SEC63: variants seen among roughly 807,000 people sequenced by gnomAD.
SEC63 encodes the protein SEC63 protein translocation regulator, also known as translocation protein SEC63 homolog.
Under a neutral mutation model 116.2 loss-of-function variants are expected in SEC63, and 56 were observed. The observed-to-expected ratio is 0.48, with a 90% CI of 0.39 to 0.60. The LOEUF is 0.60. SEC63 is among the 20% of genes least tolerant of loss of function. The pLI is 0.00. For synonymous variants in SEC63, 273 were observed against 294.6 expected, an observed-to-expected ratio of 0.93 and a Z score of 0.75; for missense variants, 668 against 900.0, an observed-to-expected ratio of 0.74 and a Z score of 3.30.
Position 107,894,011 on chromosome 6 carries a change from T to C in SEC63, c.1441-114A>G, listed in dbSNP as rs78128983. On this transcript the variant is annotated intron_variant, in intron 14 of 20. Transcript: ENST00000369002. ...ATTAAGTATTTTTAACTGGCTACAA[T>C]TGACAAAGAAGGAGACGTTTAGCAA... is the stretch of plus-strand genomic sequence containing the variant. 16,030 of 1,135,230 alleles carry C rather than the reference T, an allele frequency of 0.014. 168 individuals are homozygous for C. The highest frequency in any genetic ancestry group is 0.017 in the Non-Finnish European group (13,037 of 770,254). The allele number at this position is 1,135,230 out of a possible 1,614,324, so 70.3% of individuals were successfully genotyped here.
chr6:107,902,660 A>G (rs1317249207), intron 12 of SEC63, among the ~76,000 whole-genome samples, 184 bp downstream of exon 12: 4 of 152,226 alleles, frequency 2.6e-5, no homozygotes, highest in Admixed American at 2.6e-4. Flanking sequence ...GTAAAATACT[A>G]TAAAACACAG....
chr6:107,921,015 T>A (rs1047115618), intron 4 of SEC63, among the ~76,000 whole-genome samples: 1 of 152,198 alleles, frequency 6.6e-6, no homozygotes, highest in Non-Finnish European at 1.5e-5. Flanking sequence ...AAAGGAGACC[T>A]TAAAAATCCA....
At chr6:107,876,075 T>C (rs1786258292) in intron 19 of SEC63, among the ~76,000 whole-genome samples, 1 of 151,926 alleles carries the variant, frequency 6.6e-6, no homozygotes. Context: ...AAAAAAAACA[T>C]GAAAAACAAC....
intron 1 of SEC63, among the ~76,000 whole-genome samples, chr6:107,955,639 A>C (rs1264832407): frequency 2.2e-4 from 34 of 152,032 alleles, no homozygotes; most frequent in Non-Finnish European, 1.5e-5. Flanking sequence ...TAGTCCCAGC[A>C]CTTTGGGAGC....
At chr6:107,891,947 C>T (rs1221142808) in intron 16 of SEC63, among the ~76,000 whole-genome samples, 2 of 152,204 alleles carry the variant, frequency 1.3e-5, no homozygotes, top group East Asian at 1.9e-4. Context: ...CCCAGAGGGG[C>T]ACTCGCCAGA....
At chr6:107,930,397 G>A (rs149032397) in intron 1 of SEC63, among the ~76,000 whole-genome samples, 5,564 of 151,676 alleles carry the variant, frequency 0.037, 324 homozygotes, top group African/African-American at 0.13. Context: ...GATCACCTGA[G>A]GTCAGGAGTT....
At chr6:107,881,393 C>A in intron 17 of SEC63, 143 bp from the exon 18 acceptor site, 1 of 643,104 alleles carries the variant, frequency 1.6e-6, no homozygotes, top group Non-Finnish European at 2.8e-6. Flanking sequence ...CATCTCCCTG[C>A]TCATCCTTAC....
intron 3 of SEC63, among the ~76,000 whole-genome samples, chr6:107,923,182 C>T (rs763221237): frequency 6.6e-6 from 1 of 152,122 alleles, no homozygotes; most frequent in East Asian, 1.9e-4. Flanking sequence ...CTTGCTCTGT[C>T]GCCCAGGCTG....
intron 13 of SEC63, among the ~76,000 whole-genome samples, chr6:107,899,841 T>C (rs1786957123): frequency 1.3e-5 from 2 of 152,252 alleles, no homozygotes; most frequent in South Asian, 4.1e-4. Context: ...CAGTCCTAAA[T>C]ACAGCTTTTA....
intron 1 of SEC63, among the ~76,000 whole-genome samples, chr6:107,938,172 T>C (rs1370420894): frequency 6.6e-6 from 1 of 152,130 alleles, no homozygotes; most frequent in African/African-American, 2.4e-5. Context: ...TTTACAAAAA[T>C]TTATGAAAAG....
chr6:107,926,552 T>A (rs1174538313), intron 2 of SEC63, among the ~76,000 whole-genome samples: 2 of 151,614 alleles, frequency 1.3e-5, no homozygotes, highest in Non-Finnish European at 2.9e-5. Context: ...AACAGCAAAC[T>A]TTTTTTTAAC....
chr6:107,882,353 G>A (rs568113396), intron 17 of SEC63, among the ~76,000 whole-genome samples: 2 of 152,080 alleles, frequency 1.3e-5, no homozygotes, highest in African/African-American at 4.8e-5. Flanking sequence ...TTTGCAGTGA[G>A]CCTCTAAGGA....
chr6:107,909,636 G>C (rs933540950), intron 7 of SEC63, among the ~76,000 whole-genome samples: 1 of 152,114 alleles, frequency 6.6e-6, no homozygotes, highest in Non-Finnish European at 1.5e-5. Flanking sequence ...AGACCAAAAA[G>C]GGATAAAACT....
At chr6:107,902,033 C>T (rs1434553999) in intron 12 of SEC63, among the ~76,000 whole-genome samples, 1 of 152,012 alleles carries the variant, frequency 6.6e-6, no homozygotes, top group African/African-American at 2.4e-5. Context: ...TCCATCTTGG[C>T]AAAATGGTTA....
chr6:107,918,476 C>T (rs776545107), intron 4 of SEC63, among the ~76,000 whole-genome samples: 90 of 152,064 alleles, frequency 5.9e-4, no homozygotes, highest in Non-Finnish European at 1.1e-3. Flanking sequence ...GGGCAGATCA[C>T]CTGAGGTCAG....
At chr6:107,946,358 G>A (rs1306289713) in intron 1 of SEC63, among the ~76,000 whole-genome samples, 4 of 150,322 alleles carry the variant, frequency 2.7e-5, no homozygotes, top group East Asian at 2.0e-4. Context: ...TCAGCCTCTC[G>A]AGTAGCTGGG....
intron 1 of SEC63, among the ~76,000 whole-genome samples, chr6:107,953,526 G>T (rs1357502191): frequency 1.2e-4 from 17 of 146,530 alleles, no homozygotes; most frequent in Non-Finnish European, 3.0e-5. Flanking sequence ...GGAGGTGGGG[G>T]GTCAGCCCCC....
At chr6:107,930,173 C>CTGTTTTTTTTTT (rs1787766784) in intron 1 of SEC63, 1 of 89,292 alleles carries the variant, frequency 1.1e-5, no homozygotes, top group African/African-American at 4.4e-5. Flanking sequence ...GCAAAGTATT[C>CTGTTTTTTTTTT]TTTTTTTTTT....
chr6:107,942,822 A>G (rs1265584794), intron 1 of SEC63, among the ~76,000 whole-genome samples: 1 of 152,082 alleles, frequency 6.6e-6, no homozygotes, highest in Non-Finnish European at 1.5e-5. Context: ...AGAAAATCAT[A>G]AGGAAGAGAA....
Sources: gnomAD v4.1 joint callset for allele counts (sites outside exome capture counted in the v4.1 genomes callset) on GRCh38, gnomAD v4.1.1 for gene constraint, MANE v1.5 for transcripts, NCBI Gene and HGNC (gene_info 2026-07-23, HGNC 2026-07-21) for gene names.